Variants in PMS2 observed in about 807,000 individuals in gnomAD.
PMS2 encodes PMS1 homolog 2, mismatch repair system component.
In PMS2, 69 loss-of-function variants were observed where a neutral mutation model predicts 90.0. That is an observed-to-expected ratio of 0.77 (90% CI 0.63 to 0.94). PMS2 has a LOEUF of 0.94. Among genes scored for constraint, PMS2 ranks in the 40% least tolerant of loss-of-function variants. The pLI, the probability that PMS2 is intolerant of heterozygous loss-of-function variation, is 0.00. For synonymous variants in PMS2, 332 were observed against 375.1 expected (o/e 0.89, Z 1.33); for missense variants, 966 against 1,040.2 (o/e 0.93, Z 0.98).
intron 4 of PMS2, among the ~76,000 whole-genome samples, chr7:6,002,979 C>A (rs1362461817): frequency 6.6e-6 from 1 of 152,048 alleles, no homozygotes; most frequent in Non-Finnish European, 1.5e-5. Flanking sequence ...TTTAAAGAAT[C>A]TAACAAATAT....
At chr7:5,986,325 T>C (rs530439730) in intron 11 of PMS2, among the ~76,000 whole-genome samples, 2 of 151,952 alleles carry the variant, frequency 1.3e-5, no homozygotes, top group Non-Finnish European at 2.9e-5. Flanking sequence ...TCCTCCCTCC[T>C]TGGCTTGGCC....
Position 5,986,976 on chromosome 7 carries a change from T to A in PMS2, c.1789A>T (p.Thr597Ser), listed in dbSNP as rs1805318. Residue 597 changes from threonine (T) to serine (S), a missense_variant, in exon 11 of 15, where the codon ACT becomes TCT. Coordinates refer to ENST00000265849, the MANE Select transcript of PMS2 (RefSeq NM_000535.7). Reference protein sequence around the residue: ...SSDICQKLVNTQDMSASQVDV... With the variant: ...SSDICQKLVNSQDMSASQVDV... ...ACCTGAGAGGCTGACATGTCCTGAG[T>A]ATTTACTAACTTTTGACAAATGTCA... 0.014 allele frequency: 22,538 copies of A among 1,614,142 alleles called. 207 individuals carry two copies. The highest frequency in any genetic ancestry group is 0.018 in the Non-Finnish European group (20,689 of 1,179,972).
Position 6,005,953 on chromosome 7 carries a change from A to G in PMS2, c.102T>C (p.Ser34=). 5 of 1,610,772 alleles carry G rather than the reference A, an allele frequency of 3.1e-6. No homozygotes were observed. Among genetic ancestry groups the G allele is most frequent in the Non-Finnish European group, 4.2e-6 (5 of 1,179,814 alleles). Residue 34 remains serine (S), a synonymous_variant, in exon 2 of 15, where the codon AGT becomes AGC. Transcript: ENST00000265849. The part of the protein sequence containing the change: ...HQICSGQVVL[S]LSTAVKELVE... ...CTAACTCCTTTACCGCAGTGCTTAG[A>G]CTCAGTACCACCTGCCCAGAGCAAA...
At chr7:6,006,080 T>A in intron 1 of PMS2, 49 bp from the exon 2 acceptor site, 1 of 1,598,482 alleles carries the variant, frequency 6.3e-7, no homozygotes, top group Non-Finnish European at 8.5e-7. Context: ...GCTATATATT[T>A]TCATCCTGAT....
intron 10 of PMS2, among the ~76,000 whole-genome samples, chr7:5,988,062 A>C (rs1783253154): frequency 6.6e-6 from 1 of 150,678 alleles, no homozygotes; most frequent in Admixed American, 6.6e-5. Flanking sequence ...CAAAAAAAAA[A>C]AAAAAAAAAA....
At chr7:5,996,577 T>TA (rs775240349) in intron 7 of PMS2, among the ~76,000 whole-genome samples, 110 of 93,082 alleles carry the variant, frequency 1.2e-3, no homozygotes, top group African/African-American at 2.8e-3. Flanking sequence ...ATCTCAAAGC[T>TA]AAAAAAAAAA....
chr7:5,987,444 C>T lies in PMS2; in HGVS notation c.1321G>A (p.Glu441Lys), dbSNP rs1783135008. The T allele has an allele frequency of 6.2e-7, 1 of 1,614,070 alleles. No homozygotes were observed. Among genetic ancestry groups the T allele is most frequent in the South Asian group, 1.1e-5 (1 of 91,070 alleles). Reference protein sequence around the residue: ...ENKPHSPKTPEPRRSPLGQKR... With the variant: ...ENKPHSPKTPKPRRSPLGQKR... ...TGTCCTAGAGGGCTCCTTCTTGGTT[C>T]TGGAGTCTTTGGGCTGTGAGGCTTG... The change falls in exon 11 of 15, where the codon GAA becomes AAA. Residue 441 changes from glutamate to lysine, a missense_variant. Physicochemically the swap from Glu to Lys is moderately conservative, Grantham distance 56 (BLOSUM62 1). This residue lies in a region of PMS2 where 871 missense variants were observed against 802.4 expected (regional missense o/e 1.09). Coordinates refer to ENST00000265849, the MANE Select transcript of PMS2 (RefSeq NM_000535.7).
intron 14 of PMS2, among the ~76,000 whole-genome samples, chr7:5,977,348 C>T (rs1306555017): frequency 6.8e-6 from 1 of 147,596 alleles, no homozygotes; most frequent in Admixed American, 6.9e-5. Flanking sequence ...AGCCACCATG[C>T]CCGGCCAAGA....
Position 5,986,766 on chromosome 7 carries a change from C to T in PMS2, c.1999G>A (p.Glu667Lys), listed in dbSNP as rs587780045. The T allele has an allele frequency of 2.9e-5, 46 of 1,595,558 alleles. No homozygotes were observed. The highest frequency in any genetic ancestry group is 3.5e-5 in the Admixed American group (2 of 56,412). ...NQAAEDELRK[E>K]ISKTMFAEME... ...AAAAAATTAAAACTTTACCTTATCTCTTTTCTTAGTTCATCTTCGGCTGCT... is the reference window on the plus strand; with the variant it reads ...AAAAAATTAAAACTTTACCTTATCTTTTTTCTTAGTTCATCTTCGGCTGCT... Residue 667 changes from glutamate to lysine, a missense_variant, in exon 11 of 15, where the codon GAG becomes AAG. Physicochemically the swap from Glu to Lys is moderately conservative, Grantham distance 56. Around this residue, in one of 2 missense-constraint regions of PMS2, gnomAD observed 95 missense variants for 237.8 expected, o/e 0.40. Transcript: ENST00000265849.
chr7:6,002,255 A>G, intron 5 of PMS2, 198 bp downstream of exon 5: 1 of 545,816 alleles, frequency 1.8e-6, no homozygotes, highest in Non-Finnish European at 3.3e-6. Flanking sequence ...GTCCTAATAA[A>G]CACTATGTGA....
rs770650616 is a variant in PMS2 at position 5,995,685 on chromosome 7, A to G, written c.804-52T>C. 12 of 1,187,924 alleles carry G rather than the reference A, an allele frequency of 1.0e-5. 1 individual carries two copies. The highest frequency in any genetic ancestry group is 2.5e-6 in the Non-Finnish European group (2 of 790,642). 73.6% of individuals were successfully genotyped at this position (1,187,924 alleles called of 1,614,324 possible). On this transcript the variant is annotated intron_variant, in intron 7 of 14. Transcript: ENST00000265849. ...AGGATTCCAGAGTGAAAGGGATTAG[A>G]AATACGATCACATGGCACATTCTTA...
intron 8 of PMS2, among the ~76,000 whole-genome samples, chr7:5,993,682 G>A (rs1246506757): frequency 1.3e-5 from 2 of 150,740 alleles, no homozygotes; most frequent in African/African-American, 4.9e-5. Flanking sequence ...CCAATGTGGT[G>A]AAACCCCGTA....
chr7:5,996,583 A>AACAAAAC (rs1256890041), intron 7 of PMS2, among the ~76,000 whole-genome samples: 12 of 93,402 alleles, frequency 1.3e-4, no homozygotes, highest in African/African-American at 7.0e-4. Context: ...AAGCTAAAAA[A>AACAAAAC]AAAAAAAATA....
rs730881915 is a variant in PMS2, at chr7:6,004,007, C to T, written c.215G>A (p.Gly72Glu). The change falls in exon 3 of 15, where the codon GGA becomes GAA. Residue 72 changes from glycine to glutamate, a missense_variant. Coordinates refer to ENST00000265849, the MANE Select transcript of PMS2 (RefSeq NM_000535.7). The part of the protein sequence containing the change: ...GVDLIEVSDN[G>E]CGVEEENFEG... The stretch of plus-strand genomic sequence containing the variant: ...GAAGTTTTCTTCTTCTACCCCACAT[C>T]CATTGTCTGAAACTTCAATAAGATC... 1.2e-6 allele frequency: 2 copies of T among 1,605,736 alleles called. No individual in the cohort carries two copies. Among genetic ancestry groups the T allele is most frequent in the South Asian group, 1.1e-5 (1 of 90,852 alleles).
intron 6 of PMS2, among the ~76,000 whole-genome samples, chr7:5,997,716 T>G (rs2128790867): frequency 6.6e-6 from 1 of 152,128 alleles, no homozygotes; most frequent in Non-Finnish European, 1.5e-5. Context: ...ACCTGGCTAA[T>G]TTTTTAATTT....
In PMS2 at chr7:5,995,604, T is replaced by C. The variant is rs1562664434; in HGVS notation, c.833A>G (p.His278Arg). 1.9e-6 allele frequency: 3 copies of C among 1,613,804 alleles called. No homozygotes were observed. Among genetic ancestry groups the C allele is most frequent in the African/African-American group, 1.3e-5 (1 of 75,050 alleles). The change falls in exon 8 of 15, where the codon CAT becomes CGT. Residue 278 changes from histidine to arginine, a missense_variant. This residue lies in a region of PMS2 where 871 missense variants were observed against 802.4 expected (regional missense o/e 1.09). Coordinates refer to ENST00000265849, the MANE Select transcript of PMS2 (RefSeq NM_000535.7). Reference protein sequence around the residue: ...YISGFISQCTHGVGRSSTDRQ... With the variant: ...YISGFISQCTRGVGRSSTDRQ... The stretch of plus-strand genomic sequence containing the variant: ...GTCTGTTGAACTCCTTCCAACTCCA[T>C]GCGTGCATTGTGAAATGAAACCTGA...
intron 2 of PMS2, among the ~76,000 whole-genome samples, chr7:6,004,758 C>G (rs1421759866): frequency 6.6e-6 from 1 of 151,426 alleles, no homozygotes; most frequent in Non-Finnish European, 1.5e-5. Context: ...AATCAGACTT[C>G]CTGGATCCTA....
chr7:5,994,606 T>C (rs1215001296), intron 8 of PMS2, among the ~76,000 whole-genome samples: 1 of 151,054 alleles, frequency 6.6e-6, no homozygotes, highest in Non-Finnish European at 1.5e-5. Context: ...ACCCCGTCTC[T>C]ACTAAAAATA....
At position 5,978,599 on chromosome 7, in the gene PMS2, T is replaced by A; in HGVS notation, c.2272A>T (p.Asn758Tyr). The A allele has an allele frequency of 6.2e-7, 1 of 1,600,822 alleles. No homozygotes were observed. Among genetic ancestry groups the A allele is most frequent in the Non-Finnish European group, 8.5e-7 (1 of 1,171,238 alleles). The change falls in exon 13 of 15, where the codon AAT (asparagine) becomes TAT (tyrosine). Residue 758 changes from asparagine to tyrosine, a missense_variant. Asn to Tyr is a moderately radical substitution (Grantham distance 143, BLOSUM62 -2). Coordinates refer to ENST00000265849, the MANE Select transcript of PMS2 (RefSeq NM_000535.7). ...ATAGTTCTAATTAATAACTTACCATTTTCATCGATAACAAAATCAAAGCCA... is the reference window on the plus strand; with the variant it reads ...ATAGTTCTAATTAATAACTTACCATATTCATCGATAACAAAATCAAAGCCA... Reference protein sequence around the residue: ...KNGFDFVIDENAPVTERAKLI... With the variant: ...KNGFDFVIDEYAPVTERAKLI...
Sources: allele counts gnomAD v4.1 joint callset (sites outside exome capture counted in the v4.1 genomes callset), GRCh38; gene constraint gnomAD v4.1.1; regional missense constraint gnomAD v4.1.1; transcripts MANE v1.5; gene names NCBI Gene and HGNC (gene_info 2026-07-23, HGNC 2026-07-21).